NAV2: variants seen among roughly 807,000 people sequenced by gnomAD.
NAV2 encodes neuron navigator 2.
Under a neutral mutation model 223.2 loss-of-function variants are expected in NAV2, and 54 were observed. That is an observed-to-expected ratio of 0.24 (90% CI 0.19 to 0.30). The LOEUF is 0.30. NAV2 is among the 10% of genes least tolerant of loss of function. NAV2 has a pLI of 1.00. For synonymous variants in NAV2, 1,279 were observed against 1,239.3 expected (o/e 1.03, Z -0.67); for missense variants, 2,806 against 3,147.5 (o/e 0.89, Z 2.60).
chr11:20,086,528 C>T lies in NAV2; in HGVS notation c.5498+3349C>T, dbSNP rs114726374. ...ATTTTTCCCCATTGCACATGTTGCC[C>T]CCTGACACCTGACATAGAGGTTTTC... On this transcript the variant is annotated intron_variant, in intron 26 of 37. Coordinates refer to ENST00000349880, the MANE Select transcript of NAV2 (RefSeq NM_145117.5). Among the ~76,000 whole-genome samples, 1,280 of 152,214 alleles carry T rather than the reference C, an allele frequency of 8.4e-3. 20 individuals carry two copies. The highest frequency in any genetic ancestry group is 0.029 in the African/African-American group (1,186 of 41,530).
intron 1 of NAV2, among the ~76,000 whole-genome samples, chr11:19,812,439 T>C (rs2058882577): frequency 6.6e-6 from 1 of 152,100 alleles, no homozygotes; most frequent in South Asian, 2.1e-4. Context: ...TTTATTACCA[T>C]TTTGTCTCTC....
rs773243706 is a variant in NAV2 at position 19,933,394 on chromosome 11, C to T, written c.1150C>T (p.Pro384Ser). 8.9e-6 allele frequency: 14 copies of T among 1,581,824 alleles called. No individual in the cohort carries two copies. The Admixed American group carries it at 2.6e-4, about 29-fold the overall frequency. Residue 384 changes from proline (P) to serine (S), a missense_variant, in exon 7 of 38, where the codon CCC becomes TCC. Physicochemically the swap from Pro to Ser is moderately conservative, Grantham distance 74. This residue lies in a region of NAV2 where 1,167 missense variants were observed against 1,180.5 expected (regional missense o/e 0.99). Transcript: ENST00000349880. The surrounding 1 kb of genome is among the most constrained non-coding windows in gnomAD (Gnocchi z 4.3). ...GGTCAAGCCTCCTGGGCCTGAGGCC[C>T]CCAGGCCCACACCTGAAGCCATGAA... ...LSVKPPGPEAPRPTPEAMKPA... is the reference protein window; with the variant it reads ...LSVKPPGPEASRPTPEAMKPA...
At chr11:19,818,067 T>C (rs967736318) in intron 1 of NAV2, among the ~76,000 whole-genome samples, 4 of 151,718 alleles carry the variant, frequency 2.6e-5, no homozygotes, top group African/African-American at 9.7e-5. Flanking sequence ...ATTCCCTTTT[T>C]TTCATGCAAA....
At chr11:19,660,276 C>T (rs1390462310) in intron 1 of NAV2, among the ~76,000 whole-genome samples, 1 of 152,206 alleles carries the variant, frequency 6.6e-6, no homozygotes, top group African/African-American at 2.4e-5. Flanking sequence ...GGGGCTGCCC[C>T]AGCAGGGCTG....
chr11:20,054,016 C>T, intron 17 of NAV2, 64 bp from the exon 18 acceptor site: 1 of 1,516,812 alleles, frequency 6.6e-7, no homozygotes, highest in Non-Finnish European at 9.0e-7. Context: ...ACCATCAGCT[C>T]CACAGAGTTC....
In NAV2 at chr11:19,713,977, T is replaced by C. The variant is rs758016419; in HGVS notation, c.267+15T>C. 6.2e-6 allele frequency: 10 copies of C among 1,612,358 alleles called. No individual in the cohort carries two copies. Among genetic ancestry groups the C allele is most frequent in the Non-Finnish European group, 6.8e-6 (8 of 1,179,614 alleles). On this transcript the variant is annotated intron_variant, in intron 1 of 37. Coordinates refer to ENST00000349880, the MANE Select transcript of NAV2 (RefSeq NM_145117.5). This position sits in a 1 kb window ranked among gnomAD's most constrained non-coding sequence, Gnocchi z 7.2. ...TCGATACCCAGGTGAGAGATGCCGT[T>C]TGCCGGGGTACTGTTCTGGAAGGAT...
chr11:19,993,391 T>A (rs1402747717), intron 11 of NAV2, among the ~76,000 whole-genome samples: 1 of 152,200 alleles, frequency 6.6e-6, no homozygotes, highest in Admixed American at 6.5e-5. Flanking sequence ...TGTCTGGAAA[T>A]GACCCACGTA....
upstream of NAV2, among the ~76,000 whole-genome samples, chr11:19,709,621 G>T (rs1002460788): frequency 1.3e-5 from 2 of 151,070 alleles, no homozygotes; most frequent in East Asian, 3.9e-4. Context: ...GATCACTTGA[G>T]GTCTGGAGTT....
intron 10 of NAV2, among the ~76,000 whole-genome samples, chr11:19,983,513 T>G (rs2050483442): frequency 2.0e-5 from 3 of 152,182 alleles, no homozygotes; most frequent in Admixed American, 6.5e-5. Flanking sequence ...TTCAGTGCAC[T>G]TTCATATTCC....
intron 1 of NAV2, among the ~76,000 whole-genome samples, chr11:19,799,091 T>A (rs182874057): frequency 4.6e-5 from 7 of 152,214 alleles, no homozygotes; most frequent in Admixed American, 2.0e-4. Context: ...TAGGATGATA[T>A]TGAAAGTCCT....
chr11:19,869,077 C>T lies in NAV2; in HGVS notation c.511+80C>T. 4 of 1,342,262 alleles carry T rather than the reference C, an allele frequency of 3.0e-6. No homozygotes were observed. The South Asian group carries it at 4.8e-5, about 16-fold the overall frequency. 83.1% of individuals were successfully genotyped at this position (1,342,262 alleles called of 1,614,324 possible). On this transcript the variant is annotated intron_variant, in intron 4 of 37. Coordinates refer to ENST00000349880, the MANE Select transcript of NAV2 (RefSeq NM_145117.5). ...TGTTACTTATGAATGATATTAACACCATTATGACAAGGGATGCTTGTGGGC... is the reference window on the plus strand; with the variant it reads ...TGTTACTTATGAATGATATTAACACTATTATGACAAGGGATGCTTGTGGGC...
intron 1 of NAV2, among the ~76,000 whole-genome samples, chr11:19,671,036 C>T (rs1248651274): frequency 6.6e-6 from 1 of 152,214 alleles, no homozygotes; most frequent in East Asian, 1.9e-4. Flanking sequence ...AATGGTTACA[C>T]CTCCGGGGTG....
chr11:19,612,853 G>A (rs971483221), intron 1 of NAV2, among the ~76,000 whole-genome samples: 3 of 152,162 alleles, frequency 2.0e-5, no homozygotes, highest in African/African-American at 7.2e-5. Context: ...TGTCTTTTCA[G>A]CAACACCCCA....
intron 15 of NAV2, among the ~76,000 whole-genome samples, chr11:20,049,579 A>T (rs778181867): frequency 7.9e-5 from 12 of 151,752 alleles, no homozygotes; most frequent in Non-Finnish European, 1.6e-4. Context: ...GTTTAGTAGG[A>T]TGCTCTTTAG....
At chr11:19,739,335 C>G (rs1225495812) in intron 1 of NAV2, among the ~76,000 whole-genome samples, 6 of 152,158 alleles carry the variant, frequency 3.9e-5, no homozygotes, top group African/African-American at 1.4e-4. Context: ...ATCGTAGCAA[C>G]CTAGAGCATT....
intron 11 of NAV2, among the ~76,000 whole-genome samples, chr11:20,026,304 T>C (rs2055062808): frequency 6.6e-6 from 1 of 151,946 alleles, no homozygotes; most frequent in Non-Finnish European, 1.5e-5. Flanking sequence ...TTTTTTTAAA[T>C]TTATTTTTTA....
At chr11:19,695,121 C>T (rs1388537814) in intron 1 of NAV2, among the ~76,000 whole-genome samples, 1 of 152,196 alleles carries the variant, frequency 6.6e-6, no homozygotes, top group Non-Finnish European at 1.5e-5. Context: ...GGATCACCTC[C>T]CACTGCTGCC....
intron 5 of NAV2, chr11:19,884,192 C>A: frequency 2.5e-6 from 2 of 808,756 alleles, no homozygotes; most frequent in Non-Finnish European, 4.1e-6. Flanking sequence ...GGGAAAGAAA[C>A]AGCAACATCC....
chr11:19,601,990 C>A (rs1304361366), intron 1 of NAV2, among the ~76,000 whole-genome samples: 1 of 152,168 alleles, frequency 6.6e-6, no homozygotes, highest in African/African-American at 2.4e-5. Context: ...ACCTGCCCCA[C>A]CAGGGCCCCA....
Sources: gnomAD v4.1 joint callset for allele counts (sites outside exome capture counted in the v4.1 genomes callset) on GRCh38, gnomAD v4.1.1 for gene constraint, gnomAD v4.1.1 regional missense constraint, Gnocchi (gnomAD v3.1) non-coding constraint, MANE v1.5 for transcripts, NCBI Gene and HGNC (gene_info 2026-07-23, HGNC 2026-07-21) for gene names.